The following ADGRF1 variants were observed in gnomAD, a reference collection of about 807,000 sequenced individuals.
The protein encoded by ADGRF1 is adhesion G protein-coupled receptor F1.
In ADGRF1, 85 loss-of-function variants were observed where a neutral mutation model predicts 87.2. The observed-to-expected ratio is 0.97, with a 90% CI of 0.82 to 1.17. The LOEUF is 1.17. Ranked by LOEUF, ADGRF1 falls within the 50% of genes most tolerant of loss-of-function variation. The probability of loss-of-function intolerance (pLI) is 0.00; values close to 1 mark genes in which losing one functional copy is unlikely to be tolerated. For synonymous variants in ADGRF1, 430 were observed against 408.8 expected, an observed-to-expected ratio of 1.05 and a Z score of -0.63; for missense variants, 1,169 against 1,077.2, an observed-to-expected ratio of 1.09 and a Z score of -1.19.
chr6:47,006,518 T>C (rs1779536239), intron 12 of ADGRF1, among the ~76,000 whole-genome samples: 1 of 152,170 alleles, frequency 6.6e-6, no homozygotes, highest in Admixed American at 6.5e-5. Flanking sequence ...CAGTATACTT[T>C]ACTTTTTAAA....
Position 47,009,867 on chromosome 6 carries a change from GA to G in ADGRF1, c.1567del (p.Ser523ProfsTer3). On this transcript the variant is annotated frameshift_variant, in exon 11 of 15. Transcript: ENST00000371253. LOFTEE classifies it high-confidence loss of function. ...YSINEVFLFF[S>X]KIESNLSQPH... ...CTGGCTCAGGTTTGACTCTATCTTG[GA>G]AAAAAATAGGAAAACTTCATTTATG... 7 of 1,613,772 alleles carry G rather than the reference GA, an allele frequency of 4.3e-6. No individual in the cohort carries two copies. The highest frequency in any genetic ancestry group is 5.9e-6 in the Non-Finnish European group (7 of 1,179,822).
At chr6:47,005,762 A>G in intron 13 of ADGRF1, 55 bp downstream of exon 13, 1 of 1,310,888 alleles carries the variant, frequency 7.6e-7, no homozygotes, top group Non-Finnish European at 1.1e-6. Context: ...TATAAAGAGA[A>G]GAATGCAAAA....
At chr6:47,012,578 C>T (rs1251841452) in intron 9 of ADGRF1, 3 of 797,270 alleles carry the variant, frequency 3.8e-6, no homozygotes, top group Non-Finnish European at 4.6e-6. Context: ...TATACAGAAA[C>T]TCATGTTCAA....
At position 46,998,535 on chromosome 6, in the gene ADGRF1, C is replaced by A. The variant is rs1779272118; in HGVS notation, c.*1687G>T. 6.6e-6 allele frequency: 1 copy of A among 152,274 alleles called. No individual in the cohort carries two copies. Among genetic ancestry groups the A allele is most frequent in the South Asian group, 2.1e-4 (1 of 4,836 alleles). The allele number at this position is 152,274 out of a possible 1,614,324, so 9.4% of individuals were successfully genotyped here. A position where few individuals can be genotyped will look rare whatever the true frequency, so the allele number is the denominator to read the frequency against. On this transcript the variant is annotated 3_prime_UTR_variant, in exon 15 of 15. Coordinates refer to ENST00000371253, the MANE Select transcript of ADGRF1 (RefSeq NM_153840.4). ...CTAGACATACAGGCTATTCTCAACA[C>A]AGAACTCATTCAGGGCTCTACTACC...
At chr6:47,014,249 T>A in intron 9 of ADGRF1, 1 of 986,630 alleles carries the variant, frequency 1.0e-6, no homozygotes, top group Non-Finnish European at 1.2e-6. Context: ...ATGGTTCACC[T>A]TTGTCTGACC....
intron 1 of ADGRF1, among the ~76,000 whole-genome samples, chr6:47,037,430 CT>C (rs1780617782): frequency 6.6e-6 from 1 of 152,126 alleles, no homozygotes; most frequent in Non-Finnish European, 1.5e-5. Flanking sequence ...GCCTTATTTT[CT>C]TCTGCACAAA....
At chr6:47,032,593 A>C (rs1048260926) in intron 1 of ADGRF1, among the ~76,000 whole-genome samples, 1 of 152,210 alleles carries the variant, frequency 6.6e-6, no homozygotes, top group Non-Finnish European at 1.5e-5. Flanking sequence ...CAGCTTTGAC[A>C]TTTATCAACT....
intron 1 of ADGRF1, among the ~76,000 whole-genome samples, chr6:47,030,176 A>G (rs548761082): frequency 6.6e-6 from 1 of 152,328 alleles, no homozygotes; most frequent in South Asian, 2.1e-4. Flanking sequence ...AAAGCCGAGA[A>G]AAGGCATTAG....
rs1779662316 is a variant in ADGRF1 at position 47,010,129 on chromosome 6, C to T, written c.1306G>A (p.Val436Met). 4 of 1,614,156 alleles carry T rather than the reference C, an allele frequency of 2.5e-6. No homozygotes were observed. Among genetic ancestry groups the T allele is most frequent in the Non-Finnish European group, 3.4e-6 (4 of 1,180,026 alleles). Residue 436 changes from valine (V) to methionine (M), a missense_variant, in exon 11 of 15, where the codon GTG becomes ATG. Val to Met is a conservative substitution (Grantham distance 21). Coordinates refer to ENST00000371253, the MANE Select transcript of ADGRF1 (RefSeq NM_153840.4). ...CCCCTTTTGAGTTGGCTTTTGTTCA[C>T]TGGAATCCCTTTCCAGTCAATGAAT... The part of the protein sequence containing the change: ...RKFIDWKGIP[V>M]NKSQLKRGYS...
chr6:47,007,205 C>T, intron 12 of ADGRF1, 48 bp downstream of exon 12: 1 of 1,154,336 alleles, frequency 8.7e-7, no homozygotes, highest in Non-Finnish European at 1.3e-6. Context: ...GGGGAGGGGG[C>T]CTAAGATGTC....
rs1165022222 is a variant in ADGRF1 at position 47,009,505 on chromosome 6, C to A, written c.1930G>T (p.Gly644Cys). Residue 644 changes from glycine to cysteine, a missense_variant, in exon 11 of 15, where the codon GGT becomes TGT. Coordinates refer to ENST00000371253, the MANE Select transcript of ADGRF1 (RefSeq NM_153840.4). ...TTCACCGTGGTGTCCACTGTGGCAC[C>A]AACAATAAACCAGACATCAGCAATC... is the stretch of plus-strand genomic sequence containing the variant. ...LLIADVWFIV[G>C]ATVDTTVNPS... 6.2e-7 allele frequency: 1 copy of A among 1,613,956 alleles called. No individual in the cohort carries two copies. The highest frequency in any genetic ancestry group is 1.1e-5 in the South Asian group (1 of 91,060).
In ADGRF1 at chr6:47,012,148, G is replaced by C; in HGVS notation, c.975C>G (p.Ser325=). The C allele has an allele frequency of 6.2e-7, 1 of 1,613,994 alleles. No individual in the cohort carries two copies. The highest frequency in any genetic ancestry group is 1.7e-5 in the Admixed American group (1 of 60,014). The change falls in exon 10 of 15, where the codon TCC becomes TCG. Residue 325 remains serine (S), a synonymous_variant. Transcript: ENST00000371253. Reference sequence around the variant, plus strand: ...TGATGACAGAAAGATTTTGCACGAAGGATGACACAGCTGCCTCAGTGGCAT... The same window carrying C: ...TGATGACAGAAAGATTTTGCACGAACGATGACACAGCTGCCTCAGTGGCAT... The part of the protein sequence containing the change: ...VGNATEAAVS[S]FVQNLSVIIR...
chr6:47,022,973 A>G (rs73480743), intron 5 of ADGRF1, among the ~76,000 whole-genome samples: 2,622 of 151,228 alleles, frequency 0.017, 80 homozygotes, highest in African/African-American at 0.06. Context: ...ACCTGTAAAT[A>G]GCTAATTTTT....
intron 13 of ADGRF1, among the ~76,000 whole-genome samples, chr6:47,004,250 T>TTTGGGGTCC (rs1779450388): frequency 1.3e-5 from 2 of 152,212 alleles, no homozygotes; most frequent in African/African-American, 4.8e-5. Context: ...TCATCTGTCA[T>TTTGGGGTCC]TTGGGGTCCT....
intron 1 of ADGRF1, among the ~76,000 whole-genome samples, chr6:47,035,270 G>T (rs758155388): frequency 6.6e-6 from 1 of 152,166 alleles, no homozygotes; most frequent in Non-Finnish European, 1.5e-5. Context: ...TTCTAGCCAA[G>T]ATTTCAGCTT....
chr6:47,020,968 G>A (rs1034139168), intron 6 of ADGRF1, among the ~76,000 whole-genome samples, 179 bp from the exon 7 acceptor site: 4 of 152,158 alleles, frequency 2.6e-5, no homozygotes, highest in African/African-American at 9.7e-5. Context: ...AGTTGTGAAT[G>A]TATACATACA....
At chr6:47,025,586 G>A (rs890771483) in intron 4 of ADGRF1, among the ~76,000 whole-genome samples, 7 of 152,108 alleles carry the variant, frequency 4.6e-5, no homozygotes, top group Admixed American at 6.5e-5. Context: ...TTAATTGCCC[G>A]TGGAAAACCC....
chr6:47,035,959 G>T (rs1229380553), intron 1 of ADGRF1, among the ~76,000 whole-genome samples: 1 of 152,156 alleles, frequency 6.6e-6, no homozygotes, highest in African/African-American at 2.4e-5. Context: ...GGCTGGGCGC[G>T]ATGGCTCAAG....
Position 47,021,972 on chromosome 6 carries a change from C to T in ADGRF1, c.538G>A (p.Gly180Arg). Reference protein sequence around the residue: ...SSAIYSKYANGIEIQLKKAYE... With the variant: ...SSAIYSKYANRIEIQLKKAYE... ...AAAGTGCTTACTTGAATTTCAATTC[C>T]ATTTGCATATTTGGAGTATATAGCA... The change falls in exon 6 of 15, where the codon GGA becomes AGA. Residue 180 changes from glycine to arginine, a missense_variant. By Grantham distance (125) the Gly-to-Arg change is moderately radical (BLOSUM62 -2). Coordinates refer to ENST00000371253, the MANE Select transcript of ADGRF1 (RefSeq NM_153840.4). The T allele has an allele frequency of 3.2e-6, 5 of 1,571,160 alleles. No individual in the cohort carries two copies. Among genetic ancestry groups the T allele is most frequent in the Non-Finnish European group, 4.3e-6 (5 of 1,150,772 alleles).
Sources: allele counts gnomAD v4.1 joint callset (sites outside exome capture counted in the v4.1 genomes callset), GRCh38; gene constraint gnomAD v4.1.1; transcripts MANE v1.5; gene names NCBI Gene and HGNC (gene_info 2026-07-23, HGNC 2026-07-21).